R3HDM1: variants seen among roughly 807,000 people sequenced by gnomAD.
R3HDM1 encodes the protein R3H domain containing 1.
In R3HDM1, 46 loss-of-function variants were observed where a neutral mutation model predicts 141.1. That is an observed-to-expected ratio of 0.33 (90% CI 0.26 to 0.42). The LOEUF (loss-of-function observed/expected upper bound fraction) is 0.42, where lower values mean the gene tolerates loss of function less well. R3HDM1 is among the 10% of genes least tolerant of loss of function. The probability of loss-of-function intolerance (pLI) is 1.00; values close to 1 mark genes in which losing one functional copy is unlikely to be tolerated. For synonymous variants in R3HDM1, 435 were observed against 472.9 expected, an observed-to-expected ratio of 0.92 and a Z score of 1.04; for missense variants, 1,184 against 1,368.3, an observed-to-expected ratio of 0.87 and a Z score of 2.12.
At chr2:135,700,907 A>G (rs1192376193) in intron 21 of R3HDM1, among the ~76,000 whole-genome samples, 3 of 152,098 alleles carry the variant, frequency 2.0e-5, no homozygotes, top group African/African-American at 7.2e-5. Flanking sequence ...ATGTTCCAGG[A>G]TCTCCCAGTG....
At chr2:135,613,407 C>T (rs925315439) in intron 3 of R3HDM1, among the ~76,000 whole-genome samples, 1 of 152,064 alleles carries the variant, frequency 6.6e-6, no homozygotes, top group South Asian at 2.1e-4. Flanking sequence ...CTGACTTGCC[C>T]CCGTGCTCCC....
rs772882091 is a variant in R3HDM1 at position 135,678,668 on chromosome 2, A to G, written c.2308-1505A>G. ...TTAGAACAGAACTTAAAACATGGCA[A>G]TAAGTACCCAATAATGTTAACCCTC... On this transcript the variant is annotated intron_variant, in intron 20 of 26. Transcript: ENST00000683871. Among the ~76,000 whole-genome samples, 4 of 152,114 alleles carry G rather than the reference A, an allele frequency of 2.6e-5. No individual in the cohort carries two copies. The South Asian group carries it at 6.2e-4, about 24-fold the overall frequency.
chr2:135,574,104 A>C (rs1042362135), intron 1 of R3HDM1, among the ~76,000 whole-genome samples: 1 of 152,178 alleles, frequency 6.6e-6, no homozygotes, highest in Non-Finnish European at 1.5e-5. Flanking sequence ...TAAAATAGAC[A>C]AACGGTTAGC....
In R3HDM1 at chr2:135,555,028, G is replaced by A. The variant is rs114299234; in HGVS notation, c.-250+23395G>A. Among the ~76,000 whole-genome samples, 456 of 152,154 alleles carry A rather than the reference G, an allele frequency of 3.0e-3. 2 individuals carry two copies. The highest frequency in any genetic ancestry group is 0.01 in the African/African-American group (429 of 41,550). On this transcript the variant is annotated intron_variant, in intron 1 of 26. Coordinates refer to ENST00000683871, the MANE Select transcript of R3HDM1 (RefSeq NM_001378107.1). ...AACTTAAAAGTAAAATAAGTCGGGC[G>A]TGGTGGTTCACGTCTGTAATCCCAG...
chr2:135,583,358 T>A (rs1451859380), intron 1 of R3HDM1, among the ~76,000 whole-genome samples: 1 of 152,162 alleles, frequency 6.6e-6, no homozygotes, highest in Non-Finnish European at 1.5e-5. Flanking sequence ...ACAGCATAGG[T>A]GATTTTTTTT....
intron 7 of R3HDM1, among the ~76,000 whole-genome samples, chr2:135,627,620 C>G (rs1022982750): frequency 4.6e-5 from 7 of 151,944 alleles, no homozygotes; most frequent in African/African-American, 1.7e-4. Context: ...ATGGATGGTA[C>G]AGATAACTTA....
chr2:135,629,230 C>T (rs983089653), intron 7 of R3HDM1, among the ~76,000 whole-genome samples: 10 of 151,982 alleles, frequency 6.6e-5, no homozygotes, highest in Non-Finnish European at 1.0e-4. Context: ...GCAGGAGAAT[C>T]GCTTGAACCC....
intron 1 of R3HDM1, among the ~76,000 whole-genome samples, chr2:135,537,608 C>CTTTATT (rs1159204892): frequency 2.8e-5 from 3 of 107,394 alleles, no homozygotes; most frequent in East Asian, 3.3e-4. Flanking sequence ...TTAGTGAGCC[C>CTTTATT]TTATTTTATT....
chr2:135,616,726 C>G lies in R3HDM1; in HGVS notation c.272C>G (p.Pro91Arg), dbSNP rs955776863. Residue 91 changes from proline to arginine, a missense_variant, in exon 5 of 27, where the codon CCC (proline) becomes CGC (arginine). Coordinates refer to ENST00000683871, the MANE Select transcript of R3HDM1 (RefSeq NM_001378107.1). ...GCAGTGTGTGAAGAATCTCCACCAC[C>G]CCCTGCACCAGAGATATCACAGGAG... is the stretch of plus-strand genomic sequence containing the variant. ...SLAVCEESPPPPAPEISQENQ... is the reference protein window; with the variant it reads ...SLAVCEESPPRPAPEISQENQ... 2 of 1,608,678 alleles carry G rather than the reference C, an allele frequency of 1.2e-6. No individual in the cohort carries two copies. Among genetic ancestry groups the G allele is most frequent in the African/African-American group, 1.3e-5 (1 of 74,930 alleles).
At chr2:135,669,526 A>G (rs2105328563) in intron 19 of R3HDM1, 1 of 985,180 alleles carries the variant, frequency 1.0e-6, no homozygotes, top group East Asian at 1.1e-4. Context: ...AACCAAAATT[A>G]TCAGAAAATG....
In R3HDM1 at chr2:135,621,383, A is replaced by G. The variant is rs1196657520; in HGVS notation, c.304-111A>G. The G allele has an allele frequency of 5.2e-6, 3 of 575,982 alleles. No individual in the cohort carries two copies. In the African/African-American group the frequency reaches 5.8e-5, roughly 11 times the overall value. The allele number at this position is 575,982 out of a possible 1,614,324, so 35.7% of individuals were successfully genotyped here. On this transcript the variant is annotated intron_variant, in intron 5 of 26. Coordinates refer to ENST00000683871, the MANE Select transcript of R3HDM1 (RefSeq NM_001378107.1). ...TTAGTTTGAAGAATCCAGTTGGGTA[A>G]AATAATCTTTTTCCTCTGTACAATT...
chr2:135,535,906 GT>G (rs546862210), intron 1 of R3HDM1, among the ~76,000 whole-genome samples: 51 of 152,088 alleles, frequency 3.4e-4, no homozygotes, highest in African/African-American at 1.2e-3. Context: ...CAGCAATTTG[GT>G]TTTTTTATAT....
At chr2:135,633,561 A>G (rs773425616) in intron 9 of R3HDM1, among the ~76,000 whole-genome samples, 1 of 152,082 alleles carries the variant, frequency 6.6e-6, no homozygotes, top group Non-Finnish European at 1.5e-5. Flanking sequence ...TTATAATCAG[A>G]CAGTTCAAAT....
chr2:135,682,735 G>T (rs977698437), intron 21 of R3HDM1, among the ~76,000 whole-genome samples: 1 of 152,198 alleles, frequency 6.6e-6, no homozygotes, highest in Admixed American at 6.5e-5. Flanking sequence ...GGTGGCTCAC[G>T]CCTGTAATCC....
At chr2:135,559,168 G>A (rs527814295) in intron 1 of R3HDM1, 19 of 517,896 alleles carry the variant, frequency 3.7e-5, no homozygotes, top group Non-Finnish European at 4.5e-5. Flanking sequence ...CTAGAGTGCA[G>A]TGGCATGATC....
chr2:135,541,851 TAAAAAAAAAA>T (rs10558924), intron 1 of R3HDM1, among the ~76,000 whole-genome samples: 3 of 121,920 alleles, frequency 2.5e-5, no homozygotes, highest in Non-Finnish European at 5.4e-5. Flanking sequence ...TTCAATTTGT[TAAAAAAAAAA>T]AAAAAAAAAA....
intron 4 of R3HDM1, 115 bp from the exon 5 acceptor site, chr2:135,616,553 T>A: frequency 1.2e-6 from 1 of 808,606 alleles, no homozygotes; most frequent in Non-Finnish European, 1.9e-6. Flanking sequence ...GCACATTTCA[T>A]CTACTGTTAT....
Position 135,649,894 on chromosome 2 carries a change from T to C in R3HDM1, c.1624-8T>C, listed in dbSNP as rs1231892296. On this transcript the variant is annotated splice_region_variant and splice_polypyrimidine_tract_variant and intron_variant, in intron 16 of 26. Transcript: ENST00000683871. ...ATTAACATTGTTTGCCAACCTGTTATTCTTTAGCCTGTTCATCCTCTGCAG... is the reference window on the plus strand; with the variant it reads ...ATTAACATTGTTTGCCAACCTGTTACTCTTTAGCCTGTTCATCCTCTGCAG... 1.6e-6 allele frequency: 2 copies of C among 1,224,576 alleles called. No homozygotes were observed. The highest frequency in any genetic ancestry group is 3.2e-5 in the African/African-American group (2 of 63,090). 75.9% of individuals were successfully genotyped at this position (1,224,576 alleles called of 1,614,324 possible).
chr2:135,669,965 C>T (rs1489413673), intron 19 of R3HDM1, among the ~76,000 whole-genome samples: 1 of 151,710 alleles, frequency 6.6e-6, no homozygotes, highest in African/African-American at 2.4e-5. Context: ...ATGGTGAAAC[C>T]CCATCTCTAT....
Sources: allele counts gnomAD v4.1 joint callset (sites outside exome capture counted in the v4.1 genomes callset), GRCh38; gene constraint gnomAD v4.1.1; transcripts MANE v1.5; gene names NCBI Gene and HGNC (gene_info 2026-07-23, HGNC 2026-07-21).